Variants in STK32B observed in about 807,000 individuals in gnomAD.
STK32B encodes serine/threonine-protein kinase 32B.
A neutral mutation model predicts 52.6 loss-of-function variants in STK32B; 43 were observed. The ratio of observed to expected loss-of-function variants is 0.82; its 90% confidence interval spans 0.64 to 1.05. The LOEUF (loss-of-function observed/expected upper bound fraction) is 1.05, where lower values mean the gene tolerates loss of function less well. Ranked by LOEUF, STK32B falls within the 50% of genes least tolerant of loss-of-function variation. STK32B has a pLI of 0.00. For missense variants in STK32B, 621 were observed against 534.6 expected (o/e 1.16, Z -1.59); for synonymous variants, 238 against 204.3 (o/e 1.17, Z -1.41).
intron 3 of STK32B, among the ~76,000 whole-genome samples, chr4:5,244,580 G>T (rs1189349896): frequency 3.9e-5 from 6 of 152,250 alleles, no homozygotes; most frequent in South Asian, 2.1e-4. Flanking sequence ...GTTTCCTTCA[G>T]TTCTGCTCTG....
At chr4:5,143,264 A>G (rs1716645929) in intron 2 of STK32B, among the ~76,000 whole-genome samples, 1 of 152,236 alleles carries the variant, frequency 6.6e-6, no homozygotes, top group Non-Finnish European at 1.5e-5. Flanking sequence ...AGGGTTCTAG[A>G]AAGAGCCAAA....
intron 11 of STK32B, among the ~76,000 whole-genome samples, chr4:5,494,343 C>G (rs1720017309): frequency 6.6e-6 from 1 of 151,552 alleles, no homozygotes; most frequent in African/African-American, 2.4e-5. Context: ...ATGGCCTTGT[C>G]TCTTTTGATC....
chr4:5,150,455 T>C (rs918300847), intron 2 of STK32B, among the ~76,000 whole-genome samples: 1 of 152,170 alleles, frequency 6.6e-6, no homozygotes, highest in Non-Finnish European at 1.5e-5. Context: ...GTGGGTGTTA[T>C]TTTGTAGAAA....
chr4:5,255,457 A>T (rs1226296843), intron 3 of STK32B, among the ~76,000 whole-genome samples: 5 of 152,162 alleles, frequency 3.3e-5, no homozygotes, highest in Non-Finnish European at 7.4e-5. Flanking sequence ...TACATACAGC[A>T]AAGTGAATTG....
intron 3 of STK32B, among the ~76,000 whole-genome samples, chr4:5,296,585 C>G (rs1227213485): frequency 6.6e-6 from 1 of 151,962 alleles, no homozygotes; most frequent in South Asian, 2.1e-4. Flanking sequence ...GGATTGCAAC[C>G]CCTGCTGTTT....
chr4:5,214,821 CA>C (rs144264120), intron 3 of STK32B, among the ~76,000 whole-genome samples: 3,458 of 152,180 alleles, frequency 0.023, 49 homozygotes, highest in Non-Finnish European at 0.035. Flanking sequence ...TCAAATGCTC[CA>C]AATTTTTGTT....
intron 3 of STK32B, among the ~76,000 whole-genome samples, chr4:5,276,859 C>G (rs574185776): frequency 1.3e-5 from 2 of 152,232 alleles, no homozygotes; most frequent in South Asian, 2.1e-4. Flanking sequence ...TTTTTTGCCT[C>G]AGCACTGAAT....
At chr4:5,494,762 G>C (rs1272191370) in intron 11 of STK32B, among the ~76,000 whole-genome samples, 2 of 152,176 alleles carry the variant, frequency 1.3e-5, no homozygotes, top group Non-Finnish European at 2.9e-5. Flanking sequence ...CTCTTTTAGG[G>C]CAGGCCTGAT....
intron 3 of STK32B, among the ~76,000 whole-genome samples, chr4:5,285,961 C>G (rs1489323136): frequency 1.3e-5 from 2 of 152,060 alleles, no homozygotes; most frequent in Non-Finnish European, 2.9e-5. Context: ...GGACCCTCAT[C>G]CAATATGACT....
intron 3 of STK32B, among the ~76,000 whole-genome samples, chr4:5,321,495 A>G (rs978824191): frequency 8.6e-5 from 13 of 151,948 alleles, no homozygotes; most frequent in African/African-American, 3.1e-4. Context: ...CTTTCTTTCC[A>G]CTGCTAAGGG....
At chr4:5,488,020 GCTGGT>G (rs1369911133) in intron 11 of STK32B, among the ~76,000 whole-genome samples, 1 of 152,158 alleles carries the variant, frequency 6.6e-6, no homozygotes, top group Non-Finnish European at 1.5e-5. Context: ...TAGGACCTAG[GCTGGT>G]CTATAGGCAG....
At chr4:5,193,500 C>T (rs750649490) in intron 3 of STK32B, among the ~76,000 whole-genome samples, 2 of 152,190 alleles carry the variant, frequency 1.3e-5, no homozygotes, top group Non-Finnish European at 2.9e-5. Flanking sequence ...TGGACCTTGC[C>T]TCCCAGGCGC....
intron 7 of STK32B, among the ~76,000 whole-genome samples, chr4:5,452,427 A>T (rs2109133583): frequency 6.6e-6 from 1 of 152,276 alleles, no homozygotes. Context: ...GCCAGGAGTC[A>T]CAAGCCTGGG....
intron 1 of STK32B, among the ~76,000 whole-genome samples, chr4:5,125,018 G>A (rs1322249374): frequency 3.9e-5 from 6 of 152,272 alleles, no homozygotes; most frequent in Non-Finnish European, 7.4e-5. Context: ...GATTTGAAGC[G>A]GAAGAGGGAT....
At chr4:5,393,106 G>A (rs1408535671) in intron 4 of STK32B, among the ~76,000 whole-genome samples, 1 of 152,176 alleles carries the variant, frequency 6.6e-6, no homozygotes. Flanking sequence ...TGGGTGCCAA[G>A]TCCCATTCAA....
intron 3 of STK32B, among the ~76,000 whole-genome samples, chr4:5,260,410 A>G (rs1726635672): frequency 6.6e-6 from 1 of 152,186 alleles, no homozygotes; most frequent in African/African-American, 2.4e-5. Context: ...AGACAGCTAA[A>G]CAGGAGATGA....
intron 4 of STK32B, among the ~76,000 whole-genome samples, chr4:5,349,954 A>G (rs908134275): frequency 2.6e-5 from 4 of 152,234 alleles, no homozygotes; most frequent in Non-Finnish European, 5.9e-5. Context: ...AAGAATAAAA[A>G]ATAATGAGCA....
intron 6 of STK32B, among the ~76,000 whole-genome samples, chr4:5,431,031 A>C (rs195123): frequency 6.6e-6 from 1 of 152,002 alleles, no homozygotes; most frequent in East Asian, 1.9e-4. Flanking sequence ...GCTCTGTGTC[A>C]ATGGGTCTTG....
At chr4:5,139,829 C>T (rs530350175) in intron 1 of STK32B, 76 bp from the exon 2 acceptor site, 22 of 1,560,318 alleles carry the variant, frequency 1.4e-5, no homozygotes, top group East Asian at 6.7e-5. Context: ...TGGGTAGGTA[C>T]ATAGGTAAGG....
Sources: gnomAD v4.1 joint callset for allele counts (sites outside exome capture counted in the v4.1 genomes callset) on GRCh38, gnomAD v4.1.1 for gene constraint, MANE v1.5 for transcripts, NCBI Gene and HGNC (gene_info 2026-07-23, HGNC 2026-07-21) for gene names.